Variants in PRDM10 observed in about 807,000 individuals in gnomAD.
PRDM10 encodes PR domain zinc finger protein 10.
A neutral mutation model predicts 133.1 loss-of-function variants in PRDM10; 65 were observed. The ratio of observed to expected loss-of-function variants is 0.49; its 90% CI spans 0.40 to 0.60. The LOEUF is 0.60. Among genes scored for constraint, PRDM10 ranks in the 20% least tolerant of loss-of-function variants. The pLI is 0.00. For synonymous variants in PRDM10, 582 were observed against 580.4 expected (o/e 1.00, Z -0.04); for missense variants, 1,137 against 1,507.1 (o/e 0.75, Z 4.07).
chr11:129,988,543 A>G (rs1269761695), intron 1 of PRDM10, among the ~76,000 whole-genome samples: 1 of 151,604 alleles, frequency 6.6e-6, no homozygotes, highest in Non-Finnish European at 1.5e-5. Context: ...AACCATATAC[A>G]TCTTAAATAA....
Position 129,947,644 on chromosome 11 carries a change from C to T in PRDM10, c.295-274G>A. On this transcript the variant is annotated intron_variant, in intron 4 of 20. Coordinates refer to ENST00000360871, the MANE Select transcript of PRDM10 (RefSeq NM_199437.2). The surrounding 1 kb of genome is among the most constrained non-coding windows in gnomAD (Gnocchi z 4.6). ...GGCTGCTAAGAAGGCTCAGGTGCTCCCTCCTTTGGCAGCAGTGGGAGAGTC... is the reference window on the plus strand; with the variant it reads ...GGCTGCTAAGAAGGCTCAGGTGCTCTCTCCTTTGGCAGCAGTGGGAGAGTC... 9.2e-7 allele frequency: 1 copy of T among 1,085,046 alleles called. No homozygotes were observed. 67.2% of individuals were successfully genotyped at this position (1,085,046 alleles called of 1,614,324 possible). A position where few individuals can be genotyped will look rare whatever the true frequency, so the allele number is the denominator to read the frequency against.
Position 129,959,888 on chromosome 11 carries a change from C to A in PRDM10, c.69+1008G>T, listed in dbSNP as rs367675834. Among the ~76,000 whole-genome samples the A allele has an allele frequency of 2.0e-5, 3 of 151,602 alleles. No individual in the cohort carries two copies. In the East Asian group the frequency reaches 5.8e-4, roughly 29 times the overall value. ...CCACCTCCTAGAGACATGACCGCACCACTATAGGCATGCACCACCATGTCC... is the reference window on the plus strand; with the variant it reads ...CCACCTCCTAGAGACATGACCGCACAACTATAGGCATGCACCACCATGTCC... On this transcript the variant is annotated intron_variant, in intron 2 of 20. Transcript: ENST00000360871.
Position 130,002,739 on chromosome 11 carries a change from G to A in PRDM10, c.-136C>T, listed in dbSNP as rs1939500246. The stretch of plus-strand genomic sequence containing the variant: ...GTACTTACACGACGTTGGGTGAGGG[G>A]AGCTGGAAGATCAGCGGGTCCCCGA... On this transcript the variant is annotated 5_prime_UTR_variant, in exon 1 of 21. Coordinates refer to ENST00000360871, the MANE Select transcript of PRDM10 (RefSeq NM_199437.2). 6.1e-6 allele frequency: 1 copy of A among 164,734 alleles called. No homozygotes were observed. Among genetic ancestry groups the A allele is most frequent in the African/African-American group, 2.4e-5 (1 of 41,474 alleles). The allele number at this position is 164,734 out of a possible 1,614,324, so 10.2% of individuals were successfully genotyped here. A position where few individuals can be genotyped will look rare whatever the true frequency, so the allele number is the denominator to read the frequency against.
intron 1 of PRDM10, among the ~76,000 whole-genome samples, chr11:129,975,676 C>A (rs1480318241): frequency 6.6e-6 from 1 of 152,074 alleles, no homozygotes; most frequent in Admixed American, 6.5e-5. Context: ...CTGGCCCTTC[C>A]TCTGCCCAGC....
At chr11:130,002,418 G>T (rs550260495) in intron 1 of PRDM10, among the ~76,000 whole-genome samples, 1 of 152,120 alleles carries the variant, frequency 6.6e-6, no homozygotes, top group African/African-American at 2.4e-5. Context: ...GCTGGAGGGG[G>T]CCTTGCCCTC....
At chr11:129,917,868 C>T (rs1045726247) in intron 14 of PRDM10, among the ~76,000 whole-genome samples, 6 of 152,136 alleles carry the variant, frequency 3.9e-5, no homozygotes, top group Admixed American at 3.3e-4. Flanking sequence ...CAGTGGCTCA[C>T]GCCTGTAATC....
rs565084391 is a variant in PRDM10 at position 129,938,804 on chromosome 11, T to C, written c.967-1134A>G. Among the ~76,000 whole-genome samples the C allele has an allele frequency of 5.9e-5, 9 of 152,346 alleles. 1 individual carries two copies. The South Asian group carries it at 1.9e-3, about 32-fold the overall frequency. On this transcript the variant is annotated intron_variant, in intron 7 of 20. Transcript: ENST00000360871. ...CATAGTAAACCTGAAATGTTTGTGATAATCTCCAAAGGGCTCCACAATCTC... is the reference window on the plus strand; with the variant it reads ...CATAGTAAACCTGAAATGTTTGTGACAATCTCCAAAGGGCTCCACAATCTC...
chr11:129,951,691 A>C (rs561610374), intron 4 of PRDM10, among the ~76,000 whole-genome samples: 1 of 152,324 alleles, frequency 6.6e-6, no homozygotes, highest in East Asian at 1.9e-4. Flanking sequence ...AGCAGCACAC[A>C]CAACAGAATG....
At position 130,000,879 on chromosome 11, in the gene PRDM10, G is replaced by T. The variant is rs1330852569; in HGVS notation, c.-119+1843C>A. ...CCCAGCACTTAGGGATGCTGCGGCG[G>T]TAGGATTGCTTGAGCTCAGCAGTTC... On this transcript the variant is annotated intron_variant, in intron 1 of 20. Coordinates refer to ENST00000360871, the MANE Select transcript of PRDM10 (RefSeq NM_199437.2). 1.4e-4 allele frequency among the ~76,000 whole-genome samples: 21 copies of T among 152,202 alleles called. 1 individual carries two copies. Among genetic ancestry groups the T allele is most frequent in the Non-Finnish European group, 1.5e-5 (1 of 68,044 alleles).
intron 17 of PRDM10, chr11:129,914,446 C>T (rs1236035210): frequency 1.8e-6 from 1 of 550,406 alleles, no homozygotes; most frequent in Non-Finnish European, 3.3e-6. Flanking sequence ...GGTGCTGTGG[C>T]TACTGTCCTG....
chr11:129,984,563 C>T (rs566776994), intron 1 of PRDM10, among the ~76,000 whole-genome samples: 4 of 152,212 alleles, frequency 2.6e-5, no homozygotes, highest in African/African-American at 7.2e-5. Context: ...CTCCCTGAGA[C>T]GGCACATTCT....
intron 1 of PRDM10, among the ~76,000 whole-genome samples, chr11:129,964,694 T>C (rs932182996): frequency 6.6e-6 from 1 of 152,270 alleles, no homozygotes; most frequent in African/African-American, 2.4e-5. Flanking sequence ...GCTTAGGTTA[T>C]TTCTAATATT....
chr11:129,928,192 A>T (rs1950743161), intron 11 of PRDM10, among the ~76,000 whole-genome samples: 1 of 151,930 alleles, frequency 6.6e-6, no homozygotes, highest in African/African-American at 2.4e-5. Flanking sequence ...TGCAGCCTCG[A>T]CCTCCTGGAC....
chr11:129,959,972 G>A (rs910758567), intron 2 of PRDM10, among the ~76,000 whole-genome samples: 3 of 150,880 alleles, frequency 2.0e-5, no homozygotes, highest in Non-Finnish European at 2.9e-5. Context: ...TGTTGCCCAG[G>A]CTGGTCCTAA....
chr11:129,966,942 C>T (rs1452631458), intron 1 of PRDM10, among the ~76,000 whole-genome samples: 1 of 152,180 alleles, frequency 6.6e-6, no homozygotes, highest in Non-Finnish European at 1.5e-5. Context: ...AAGAATCAGA[C>T]TCTTGGAGAA....
Position 129,914,688 on chromosome 11 carries a change from C to T in PRDM10, c.2841+16G>A. On this transcript the variant is annotated intron_variant, in intron 17 of 20. Coordinates refer to ENST00000360871, the MANE Select transcript of PRDM10 (RefSeq NM_199437.2). ...ACGGCATTCATAAGGCAAAGGGAAACCAAGGCACGCAGTACCGAGGCCACT... is the reference window on the plus strand; with the variant it reads ...ACGGCATTCATAAGGCAAAGGGAAATCAAGGCACGCAGTACCGAGGCCACT... 6.2e-7 allele frequency: 1 copy of T among 1,614,194 alleles called. No homozygotes were observed. Among genetic ancestry groups the T allele is most frequent in the Middle Eastern group, 1.6e-4 (1 of 6,062 alleles).
chr11:129,975,011 G>T (rs1040842043), intron 1 of PRDM10, among the ~76,000 whole-genome samples: 1 of 152,198 alleles, frequency 6.6e-6, no homozygotes, highest in African/African-American at 2.4e-5. Flanking sequence ...GTTACCAGGG[G>T]CCAGGGCAGG....
At chr11:129,964,649 T>C (rs945805341) in intron 1 of PRDM10, among the ~76,000 whole-genome samples, 1 of 152,234 alleles carries the variant, frequency 6.6e-6, no homozygotes, top group Non-Finnish European at 1.5e-5. Flanking sequence ...CATTCTTCAT[T>C]ACAGCTGCAT....
chr11:129,977,366 C>T (rs1246844688), intron 1 of PRDM10, among the ~76,000 whole-genome samples: 4 of 152,052 alleles, frequency 2.6e-5, no homozygotes, highest in Admixed American at 2.0e-4. Context: ...TCACTGCAAT[C>T]TCCGACTCCC....
Sources: allele counts gnomAD v4.1 joint callset (sites outside exome capture counted in the v4.1 genomes callset), GRCh38; gene constraint gnomAD v4.1.1; non-coding constraint Gnocchi (gnomAD v3.1); transcripts MANE v1.5; gene names NCBI Gene and HGNC (gene_info 2026-07-23, HGNC 2026-07-21).